ANO10: variants seen among roughly 807,000 people sequenced by gnomAD.
ANO10 encodes the protein anoctamin 10.
ANO10 carries 77 observed loss-of-function variants against 74.7 expected under a neutral mutation model. That is an observed-to-expected ratio of 1.03 (90% CI 0.86 to 1.25). The LOEUF is 1.25. ANO10 is among the 50% of genes most tolerant of loss of function. The pLI is 0.00. For missense variants in ANO10, 721 were observed against 778.1 expected (o/e 0.93, Z 0.87); for synonymous variants, 279 against 284.9 (o/e 0.98, Z 0.21).
At chr3:43,460,113 A>G (rs1460570295) in intron 11 of ANO10, among the ~76,000 whole-genome samples, 1 of 152,354 alleles carries the variant, frequency 6.6e-6, no homozygotes, top group East Asian at 1.9e-4. Flanking sequence ...CCATCAGCAC[A>G]TAGGAAAAGT....
intron 12 of ANO10, among the ~76,000 whole-genome samples, chr3:43,393,780 C>G (rs1409112059): frequency 5.9e-5 from 9 of 152,130 alleles, no homozygotes; most frequent in Admixed American, 5.9e-4. Context: ...CAAAACCCTC[C>G]TGTTACCTAC....
intron 11 of ANO10, among the ~76,000 whole-genome samples, chr3:43,466,472 T>C (rs2075632116): frequency 6.7e-6 from 1 of 149,436 alleles, no homozygotes; most frequent in Non-Finnish European, 1.5e-5. Flanking sequence ...GACACACATA[T>C]ATGGCAAGAT....
intron 1 of ANO10, among the ~76,000 whole-genome samples, chr3:43,653,805 G>A (rs1281331101): frequency 1.3e-5 from 2 of 152,142 alleles, no homozygotes; most frequent in Non-Finnish European, 2.9e-5. Flanking sequence ...GAAGTCCCCA[G>A]ACTCAGAAGA....
intron 11 of ANO10, among the ~76,000 whole-genome samples, chr3:43,497,726 A>T (rs2076965105): frequency 6.6e-6 from 1 of 152,102 alleles, no homozygotes; most frequent in Non-Finnish European, 1.5e-5. Flanking sequence ...TGTGGTTTGC[A>T]TGGGGGAGGG....
intron 1 of ANO10, among the ~76,000 whole-genome samples, chr3:43,646,582 A>C (rs970501819): frequency 6.6e-6 from 1 of 152,158 alleles, no homozygotes; most frequent in African/African-American, 2.4e-5. Context: ...CCCAGGCTGG[A>C]GTGCAGTGGT....
At chr3:43,517,856 G>A (rs1171152684) in intron 11 of ANO10, among the ~76,000 whole-genome samples, 1 of 152,178 alleles carries the variant, frequency 6.6e-6, no homozygotes, top group Non-Finnish European at 1.5e-5. Context: ...TACTGCAGCA[G>A]CATCAAACTG....
chr3:43,683,528 C>T (rs1043132445), intron 1 of ANO10, among the ~76,000 whole-genome samples: 6 of 152,132 alleles, frequency 3.9e-5, no homozygotes, highest in East Asian at 1.9e-4. Flanking sequence ...AGATTCAATG[C>T]CATCCCCATC....
chr3:43,510,531 A>G (rs962347024), intron 11 of ANO10, among the ~76,000 whole-genome samples: 10 of 152,132 alleles, frequency 6.6e-5, no homozygotes, highest in African/African-American at 2.4e-5. Context: ...CATTGTAAAT[A>G]TACTGGTTGT....
chr3:43,443,894 C>T (rs1280894249), intron 11 of ANO10, among the ~76,000 whole-genome samples: 4 of 151,852 alleles, frequency 2.6e-5, no homozygotes, highest in Admixed American at 1.3e-4. Context: ...GTTGGCCAGG[C>T]GGGTCTCGAA....
chr3:43,408,318 TATTA>T (rs1656646762), intron 12 of ANO10, among the ~76,000 whole-genome samples: 2 of 152,216 alleles, frequency 1.3e-5, no homozygotes, highest in African/African-American at 4.8e-5. Flanking sequence ...CAGATTAAAA[TATTA>T]ATTAATCTTA....
chr3:43,379,456 T>C (rs2091899677), intron 12 of ANO10, among the ~76,000 whole-genome samples: 1 of 150,374 alleles, frequency 6.7e-6, no homozygotes, highest in Non-Finnish European at 1.5e-5. Context: ...GAGGCCCACA[T>C]CGTGAACTTT....
intron 12 of ANO10, among the ~76,000 whole-genome samples, chr3:43,369,900 G>A (rs1240750885): frequency 6.6e-6 from 1 of 152,224 alleles, no homozygotes; most frequent in Non-Finnish European, 1.5e-5. Flanking sequence ...CCTTTTCTGT[G>A]TAAATGGGGC....
chr3:43,379,806 C>T (rs1246143941), intron 12 of ANO10, among the ~76,000 whole-genome samples: 1 of 152,158 alleles, frequency 6.6e-6, no homozygotes, highest in Non-Finnish European at 1.5e-5. Flanking sequence ...ATCACACTAG[C>T]TCACCAGCAA....
intron 1 of ANO10, among the ~76,000 whole-genome samples, chr3:43,670,652 T>C (rs1442649006): frequency 6.6e-6 from 1 of 152,196 alleles, no homozygotes; most frequent in Non-Finnish European, 1.5e-5. Flanking sequence ...TCTAATTTAC[T>C]AGTCATAGCA....
chr3:43,485,059 G>C (rs2076417280), intron 11 of ANO10: 1 of 1,327,682 alleles, frequency 7.5e-7, no homozygotes. Context: ...ACTTGATCTT[G>C]GAGTCGTGGA....
intron 12 of ANO10, among the ~76,000 whole-genome samples, chr3:43,429,073 T>G (rs1445718224): frequency 6.6e-6 from 1 of 152,118 alleles, no homozygotes; most frequent in Non-Finnish European, 1.5e-5. Context: ...CCTGAAGATA[T>G]GGGAATCTAA....
intron 10 of ANO10, among the ~76,000 whole-genome samples, chr3:43,551,758 T>C (rs1165593776): frequency 3.3e-5 from 5 of 152,188 alleles, no homozygotes; most frequent in African/African-American, 1.2e-4. Context: ...ATTCCTTCTT[T>C]CTTTTGATTA....
At chr3:43,679,380 G>C (rs2084164814) in intron 1 of ANO10, among the ~76,000 whole-genome samples, 1 of 152,174 alleles carries the variant, frequency 6.6e-6, no homozygotes, top group African/African-American at 2.4e-5. Flanking sequence ...CAAGGCAGCA[G>C]CGAGGCTAGG....
intron 1 of ANO10, among the ~76,000 whole-genome samples, chr3:43,682,350 A>G (rs1454975193): frequency 6.6e-6 from 1 of 152,156 alleles, no homozygotes; most frequent in Admixed American, 6.6e-5. Flanking sequence ...TAAATTCCTC[A>G]ACACATACAC....
Sources: allele counts gnomAD v4.1 joint callset (sites outside exome capture counted in the v4.1 genomes callset), GRCh38; gene constraint gnomAD v4.1.1; transcripts MANE v1.5; gene names NCBI Gene and HGNC (gene_info 2026-07-23, HGNC 2026-07-21).